Variants in FRMPD4 observed in about 807,000 individuals in gnomAD.
FRMPD4 encodes the protein FERM and PDZ domain-containing protein 4.
A neutral mutation model predicts 94.1 loss-of-function variants in FRMPD4; 22 were observed. That is an observed-to-expected ratio of 0.23 (90% CI 0.17 to 0.33). The LOEUF is 0.33. Ranked by LOEUF, FRMPD4 falls within the 10% of genes least tolerant of loss-of-function variation. The pLI is 1.00. For synonymous variants in FRMPD4, 631 were observed against 548.6 expected (o/e 1.15, Z -2.10); for missense variants, 1,111 against 1,339.9 (o/e 0.83, Z 2.67).
At chrX:12,292,539 T>G (rs2054706034) in intron 1 of FRMPD4, among the ~76,000 whole-genome samples, 2 of 111,092 alleles carry the variant, frequency 1.8e-5, no homozygotes, top group Admixed American at 1.9e-4. Context: ...TATGTGTTCA[T>G]TATTTAACTT....
chrX:11,839,148 T>C (rs768660333), intron 1 of FRMPD4, among the ~76,000 whole-genome samples: 6 of 111,564 alleles, frequency 5.4e-5, no homozygotes, highest in Admixed American at 9.5e-5. Flanking sequence ...CATATTTAGT[T>C]TGTGTTTAAA....
chrX:12,579,558 G>C (rs192154074), intron 2 of FRMPD4, among the ~76,000 whole-genome samples: 1 of 112,054 alleles, frequency 8.9e-6, no homozygotes, highest in Admixed American at 9.5e-5. Flanking sequence ...ACCGGACTGG[G>C]CATGCTCTGT....
In FRMPD4 at chrX:11,909,827, T is replaced by C. The variant is rs769102965; in HGVS notation, c.95+31809T>C. ...CATTGTGCTGTTTAAATTCCAAATG[T>C]GTGAGAGATTTTCCTAGTGTTTTTT... On this transcript the variant is annotated intron_variant, in intron 3 of 18. Coordinates refer to the FRMPD4 transcript ENST00000640291. Among the ~76,000 whole-genome samples, 9 of 110,942 alleles carry C rather than the reference T, an allele frequency of 8.1e-5. No homozygotes were observed. The South Asian group carries it at 3.4e-3, about 42-fold the overall frequency.
chrX:11,905,285 A>T lies in FRMPD4; in HGVS notation c.95+27267A>T, dbSNP rs1250185637. Among the ~76,000 whole-genome samples, 29 of 111,624 alleles carry T rather than the reference A, an allele frequency of 2.6e-4. No homozygotes were observed. The Admixed American group carries it at 2.8e-3, about 11-fold the overall frequency. The stretch of plus-strand genomic sequence containing the variant: ...GAATGTGATTATATGTGATTCCCAG[A>T]TCTGCAGTAGCTATTTTGAAACCAT... On this transcript the variant is annotated intron_variant, in intron 3 of 18. Coordinates refer to the FRMPD4 transcript ENST00000640291.
chrX:12,688,678 G>A (rs2060051678), intron 7 of FRMPD4, among the ~76,000 whole-genome samples: 1 of 111,041 alleles, frequency 9.0e-6, no homozygotes, highest in Non-Finnish European at 1.9e-5. Flanking sequence ...AGTATTTGTT[G>A]CCACACAAAG....
chrX:12,153,095 G>A (rs1054592089), intron 1 of FRMPD4, among the ~76,000 whole-genome samples: 4 of 109,814 alleles, frequency 3.6e-5, no homozygotes, highest in Non-Finnish European at 7.6e-5. Context: ...CACCGCGCCC[G>A]GCTAATTTTT....
chrX:11,960,207 C>G (rs1219171850), intron 3 of FRMPD4, among the ~76,000 whole-genome samples: 1 of 112,015 alleles, frequency 8.9e-6, no homozygotes, highest in Non-Finnish European at 1.9e-5. Context: ...CCTATGCTTC[C>G]CCTCCCTGCT....
Position 12,234,558 on chromosome X carries a change from A to G in FRMPD4, c.41+95546A>G, listed in dbSNP as rs563974858. 9.8e-5 allele frequency among the ~76,000 whole-genome samples: 11 copies of G among 111,830 alleles called. 1 individual carries two copies. In the South Asian group the frequency reaches 4.2e-3, roughly 43 times the overall value. On this transcript the variant is annotated intron_variant, in intron 1 of 16. Transcript: ENST00000675598. ...CCACATAAAGATGATTATACTGAGC[A>G]GCACTCTTGGGTTTCTCCTACTGCA...
chrX:12,675,780 G>A (rs2059893088), intron 5 of FRMPD4, among the ~76,000 whole-genome samples: 1 of 111,405 alleles, frequency 9.0e-6, no homozygotes, highest in South Asian at 3.8e-4. Context: ...GAGTGGCAGC[G>A]ATTCCAGCCT....
intron 1 of FRMPD4, among the ~76,000 whole-genome samples, chrX:12,296,075 G>A (rs1010975127): frequency 1.8e-5 from 2 of 110,628 alleles, no homozygotes; most frequent in Non-Finnish European, 3.8e-5. Flanking sequence ...GATGCCTGTA[G>A]TGTGCCCCCG....
intron 3 of FRMPD4, among the ~76,000 whole-genome samples, chrX:12,043,290 C>G (rs1420221823): frequency 1.8e-5 from 2 of 111,235 alleles, no homozygotes; most frequent in African/African-American, 6.5e-5. Flanking sequence ...GAAATGATAT[C>G]CAGCTAATTT....
chrX:12,599,407 G>A (rs2059064220), intron 2 of FRMPD4, among the ~76,000 whole-genome samples: 1 of 111,689 alleles, frequency 9.0e-6, no homozygotes, highest in South Asian at 3.8e-4. Flanking sequence ...CCTGAGAAAG[G>A]TTTGGGGTGG....
chrX:11,828,196 G>T (rs1026103286), intron 1 of FRMPD4, among the ~76,000 whole-genome samples: 1 of 111,896 alleles, frequency 8.9e-6, no homozygotes, highest in Admixed American at 9.5e-5. Flanking sequence ...TAGAAATCTT[G>T]CTTGTAGCTT....
At chrX:11,852,470 A>T (rs2053630030) in intron 1 of FRMPD4, among the ~76,000 whole-genome samples, 1 of 109,363 alleles carries the variant, frequency 9.1e-6, no homozygotes, top group African/African-American at 3.3e-5. Flanking sequence ...AAGAAAAAGA[A>T]AAAAAAGAAT....
At chrX:12,165,189 C>T (rs2056093992) in intron 1 of FRMPD4, among the ~76,000 whole-genome samples, 1 of 112,194 alleles carries the variant, frequency 8.9e-6, no homozygotes, top group Admixed American at 9.4e-5. Flanking sequence ...TTAGGTCTAA[C>T]ATGTAAGTCT....
intron 1 of FRMPD4, among the ~76,000 whole-genome samples, chrX:12,202,985 A>G (rs1169932402): frequency 1.8e-5 from 2 of 112,239 alleles, no homozygotes; most frequent in African/African-American, 6.5e-5. Context: ...CCTTGGTTTC[A>G]GACTTCTGGC....
chrX:12,196,605 C>T (rs1411036659), intron 1 of FRMPD4, among the ~76,000 whole-genome samples: 2 of 107,760 alleles, frequency 1.9e-5, no homozygotes, highest in African/African-American at 3.4e-5. Context: ...AAGTAGAGAA[C>T]ATTTGTTGTT....
At chrX:12,687,876 A>G (rs1268031209) in intron 7 of FRMPD4, among the ~76,000 whole-genome samples, 1 of 111,961 alleles carries the variant, frequency 8.9e-6, no homozygotes, top group Non-Finnish European at 1.9e-5. Context: ...AACCACCTGC[A>G]TGGTTGAACT....
At chrX:11,863,922 C>T (rs1385356267) in intron 1 of FRMPD4, among the ~76,000 whole-genome samples, 2 of 112,019 alleles carry the variant, frequency 1.8e-5, no homozygotes, top group Non-Finnish European at 3.8e-5. Flanking sequence ...ATGACTTTGA[C>T]TCGATTTAAT....
Sources: allele counts gnomAD v4.1 joint callset (sites outside exome capture counted in the v4.1 genomes callset), GRCh38; gene constraint gnomAD v4.1.1; transcripts MANE v1.5; gene names NCBI Gene and HGNC (gene_info 2026-07-23, HGNC 2026-07-21).